CHN1: variants seen among roughly 807,000 people sequenced by gnomAD.
CHN1 encodes N-chimaerin.
Under a neutral mutation model 59.5 loss-of-function variants are expected in CHN1, and 37 were observed. The ratio of observed to expected loss-of-function variants is 0.62; its 90% CI spans 0.48 to 0.82. The LOEUF (loss-of-function observed/expected upper bound fraction) is 0.82. CHN1 is among the 40% of genes least tolerant of loss of function. CHN1 has a pLI of 0.00. For synonymous variants in CHN1, 206 were observed against 200.4 expected (o/e 1.03, Z -0.24); for missense variants, 469 against 571.0 (o/e 0.82, Z 1.82).
chr2:174,893,793 A>G lies in CHN1; in HGVS notation c.261-15665T>C, dbSNP rs116001289. Among the ~76,000 whole-genome samples the G allele has an allele frequency of 7.1e-3, 1,074 of 152,304 alleles. 14 individuals are homozygous for G. Among genetic ancestry groups the G allele is most frequent in the African/African-American group, 0.025 (1,034 of 41,558 alleles). On this transcript the variant is annotated intron_variant, in intron 5 of 12. Coordinates refer to ENST00000409900, the MANE Select transcript of CHN1 (RefSeq NM_001822.7). ...ATGGTTTTGGACATAGACCAATGAA[A>G]GAGAACAGAGAGCTCAGATATAAAC...
At chr2:174,829,647 C>T (rs12614445) in intron 7 of CHN1, among the ~76,000 whole-genome samples, 45,324 of 152,070 alleles carry the variant, frequency 0.3, 8,168 homozygotes, top group South Asian at 0.46. Context: ...GCCTGCAAAG[C>T]TTGCTGCAAA....
At chr2:174,840,750 TGA>T (rs1686272540) in intron 7 of CHN1, among the ~76,000 whole-genome samples, 1 of 152,148 alleles carries the variant, frequency 6.6e-6, no homozygotes, top group African/African-American at 2.4e-5. Flanking sequence ...TTGAAAAGAT[TGA>T]GTTAGTATGT....
At chr2:174,965,750 T>C (rs1300271749) in intron 1 of CHN1, among the ~76,000 whole-genome samples, 1 of 152,326 alleles carries the variant, frequency 6.6e-6, no homozygotes. Context: ...AATCCAAAAA[T>C]GTACGGCAAT....
chr2:174,876,323 C>T (rs985306273), intron 6 of CHN1, among the ~76,000 whole-genome samples: 1 of 152,146 alleles, frequency 6.6e-6, no homozygotes, highest in African/African-American at 2.4e-5. Flanking sequence ...TTGAAAGACT[C>T]ACATGTACAC....
Position 174,799,851 on chromosome 2 carries a change from T to G in CHN1, c.*265A>C, listed in dbSNP as rs748553054. On this transcript the variant is annotated 3_prime_UTR_variant, in exon 13 of 13. Transcript: ENST00000409900. ...TTGTTTCTTCTGTATGGGGTTTCCT[T>G]GCCAGATAGGGGGCTAATCATGCAA... The G allele has an allele frequency of 2.4e-5, 14 of 581,222 alleles. No homozygotes were observed. The highest frequency in any genetic ancestry group is 2.0e-4 in the South Asian group (13 of 65,610). 36.0% of individuals were successfully genotyped at this position (581,222 alleles called of 1,614,324 possible).
chr2:174,987,721 A>ACC (rs1410190122), intron 1 of CHN1, among the ~76,000 whole-genome samples: 1 of 152,170 alleles, frequency 6.6e-6, no homozygotes, highest in African/African-American at 2.4e-5. Context: ...AGCATGAGCC[A>ACC]CCGTGCTTGG....
At chr2:174,869,157 CTTG>C (rs575536337) in intron 6 of CHN1, among the ~76,000 whole-genome samples, 145 of 152,262 alleles carry the variant, frequency 9.5e-4, no homozygotes, top group South Asian at 5.8e-3. Flanking sequence ...GGAATCCTCC[CTTG>C]TTGTGTACTC....
intron 5 of CHN1, among the ~76,000 whole-genome samples, chr2:174,910,614 C>T (rs1688666849): frequency 6.6e-6 from 1 of 151,640 alleles, no homozygotes; most frequent in Admixed American, 6.6e-5. Context: ...TATGGCAATC[C>T]CCCCAAAAAT....
chr2:174,976,002 T>C lies in CHN1; in HGVS notation c.20-23800A>G, dbSNP rs191903253. ...TTAGCCGGGCATGGTGGCGGGTGTC[T>C]GTAGTCCCAGCTACTTGGGAGGCTG... On this transcript the variant is annotated intron_variant, in intron 1 of 12. Coordinates refer to ENST00000409900, the MANE Select transcript of CHN1 (RefSeq NM_001822.7). Among the ~76,000 whole-genome samples the C allele has an allele frequency of 6.4e-3, 971 of 151,030 alleles. 16 individuals are homozygous for C. The highest frequency in any genetic ancestry group is 0.022 in the African/African-American group (924 of 41,242).
intron 7 of CHN1, among the ~76,000 whole-genome samples, chr2:174,828,690 C>G (rs943200699): frequency 1.3e-5 from 2 of 152,120 alleles, no homozygotes; most frequent in Non-Finnish European, 2.9e-5. Flanking sequence ...AATTAAAAAG[C>G]CATAAGTTGC....
chr2:174,973,722 G>C (rs1000664496), intron 1 of CHN1, among the ~76,000 whole-genome samples: 2 of 152,196 alleles, frequency 1.3e-5, no homozygotes, highest in Non-Finnish European at 2.9e-5. Context: ...AGAAGTGTGG[G>C]CCCTGGAAGT....
Position 174,957,768 on chromosome 2 carries a change from C to G in CHN1, c.20-5566G>C, listed in dbSNP as rs192422242. ...GGGAGCACTCAATGAGACTGGGACC[C>G]TATCTAGTAAATAATTTAATCTTGT... is the stretch of plus-strand genomic sequence containing the variant. On this transcript the variant is annotated intron_variant, in intron 1 of 12. Coordinates refer to ENST00000409900, the MANE Select transcript of CHN1 (RefSeq NM_001822.7). Among the ~76,000 whole-genome samples the G allele has an allele frequency of 6.3e-4, 96 of 151,998 alleles. 1 individual carries two copies. The East Asian group carries it at 0.017, about 26-fold the overall frequency.
intron 1 of CHN1, among the ~76,000 whole-genome samples, chr2:174,988,241 CA>C (rs1691417023): frequency 6.6e-6 from 1 of 151,318 alleles, no homozygotes; most frequent in African/African-American, 2.4e-5. Context: ...CCTGTAGTCC[CA>C]GCTACACGGG....
intron 6 of CHN1, among the ~76,000 whole-genome samples, chr2:174,851,085 A>C (rs1269780458): frequency 6.6e-6 from 1 of 152,200 alleles, no homozygotes; most frequent in Non-Finnish European, 1.5e-5. Flanking sequence ...TTATGAGAGT[A>C]GTATATAAAC....
intron 5 of CHN1, among the ~76,000 whole-genome samples, chr2:174,891,439 G>A (rs1381119043): frequency 6.6e-6 from 1 of 151,500 alleles, no homozygotes; most frequent in African/African-American, 2.4e-5. Flanking sequence ...GCTTGGTGGT[G>A]GGCACTTGTA....
intron 5 of CHN1, among the ~76,000 whole-genome samples, chr2:174,900,366 C>A (rs1295835770): frequency 6.6e-6 from 1 of 151,978 alleles, no homozygotes; most frequent in African/African-American, 2.4e-5. Context: ...TAGCCAGGTG[C>A]GGTGATATGT....
intron 1 of CHN1, among the ~76,000 whole-genome samples, chr2:174,957,995 G>A (rs556753952): frequency 1.3e-5 from 2 of 152,178 alleles, no homozygotes; most frequent in Middle Eastern, 3.4e-3. Flanking sequence ...AATATCCCAC[G>A]TGGATCATCA....
At chr2:174,830,660 A>G (rs1335257156) in intron 7 of CHN1, among the ~76,000 whole-genome samples, 2 of 152,204 alleles carry the variant, frequency 1.3e-5, no homozygotes, top group African/African-American at 4.8e-5. Flanking sequence ...ACTTGCTGAA[A>G]CATAGCTTTA....
chr2:174,992,862 G>A (rs958921542), intron 1 of CHN1, among the ~76,000 whole-genome samples: 15 of 151,740 alleles, frequency 9.9e-5, no homozygotes, highest in Admixed American at 8.5e-4. Context: ...AGTGCTCACC[G>A]AAGCCTGGGC....
Sources: allele counts gnomAD v4.1 joint callset (sites outside exome capture counted in the v4.1 genomes callset), GRCh38; gene constraint gnomAD v4.1.1; transcripts MANE v1.5; gene names NCBI Gene and HGNC (gene_info 2026-07-23, HGNC 2026-07-21).